ZNF516: variants seen among roughly 807,000 people sequenced by gnomAD.
ZNF516 encodes the protein zinc finger protein 516.
Under a neutral mutation model 79.7 loss-of-function variants are expected in ZNF516, and 19 were observed. The ratio of observed to expected loss-of-function variants is 0.24; its 90% CI spans 0.17 to 0.35. The LOEUF is 0.35. Ranked by LOEUF, ZNF516 falls within the 10% of genes least tolerant of loss-of-function variation. The pLI, the probability that ZNF516 is intolerant of heterozygous loss-of-function variation, is 1.00. For synonymous variants in ZNF516, 877 were observed against 739.5 expected (o/e 1.19, Z -3.02); for missense variants, 1,678 against 1,679.5 (o/e 1.00, Z 0.02).
chr18:76,461,778 G>A (rs1305347208), intron 2 of ZNF516, among the ~76,000 whole-genome samples: 1 of 152,216 alleles, frequency 6.6e-6, no homozygotes, highest in Non-Finnish European at 1.5e-5. Flanking sequence ...CCAGCTTGAG[G>A]CTTGTCGCCA....
At chr18:76,492,888 C>T (rs1915317336) in intron 1 of ZNF516, 1 of 985,602 alleles carries the variant, frequency 1.0e-6, no homozygotes. Context: ...TCCACGTCTA[C>T]ATCACACATC....
intron 1 of ZNF516, among the ~76,000 whole-genome samples, chr18:76,482,213 A>T (rs901443521): frequency 1.3e-5 from 2 of 152,210 alleles, no homozygotes; most frequent in Non-Finnish European, 2.9e-5. Flanking sequence ...GAAAGCTCAC[A>T]TCCTAAGTTT....
chr18:76,423,648 C>T (rs1455011610), intron 3 of ZNF516, among the ~76,000 whole-genome samples: 1 of 61,000 alleles, frequency 1.6e-5, no homozygotes, highest in Non-Finnish European at 3.6e-5. Flanking sequence ...CCGAAACACA[C>T]GCAGGTGAAA....
At chr18:76,452,769 T>C (rs1021699466) in intron 2 of ZNF516, among the ~76,000 whole-genome samples, 6 of 152,316 alleles carry the variant, frequency 3.9e-5, no homozygotes, top group South Asian at 2.1e-4. Flanking sequence ...GTCCTTTTAC[T>C]GAAATATGAC....
At chr18:76,396,223 G>GA (rs1275109702) in intron 3 of ZNF516, among the ~76,000 whole-genome samples, 1 of 152,050 alleles carries the variant, frequency 6.6e-6, no homozygotes, top group Non-Finnish European at 1.5e-5. Flanking sequence ...TATTTAAAAA[G>GA]AAAAATCTAT....
chr18:76,422,886 C>T (rs1023644646), intron 3 of ZNF516, among the ~76,000 whole-genome samples: 9 of 152,124 alleles, frequency 5.9e-5, no homozygotes, highest in African/African-American at 2.2e-4. Flanking sequence ...CCATACAAAT[C>T]CTTAAGAAAA....
At chr18:76,491,259 C>A (rs1457305887) in intron 1 of ZNF516, among the ~76,000 whole-genome samples, 2 of 137,814 alleles carry the variant, frequency 1.5e-5, no homozygotes, top group Admixed American at 1.4e-4. Context: ...AGTTCCGGAC[C>A]GGACCCGCCC....
At chr18:76,416,244 C>T (rs2075431718) in intron 3 of ZNF516, among the ~76,000 whole-genome samples, 1 of 152,212 alleles carries the variant, frequency 6.6e-6, no homozygotes, top group Non-Finnish European at 1.5e-5. Context: ...GAAGAGGCGG[C>T]CGGTTCCCCA....
intron 3 of ZNF516, among the ~76,000 whole-genome samples, chr18:76,436,181 T>C (rs547957089): frequency 6.6e-6 from 1 of 152,318 alleles, no homozygotes; most frequent in African/African-American, 2.4e-5. Flanking sequence ...CCTTTACCCA[T>C]TCTGCAAGCT....
At position 76,359,189 on chromosome 18, in the gene ZNF516, C is replaced by T. The variant is rs1030294637; in HGVS notation, c.*3309G>A. 1.3e-5 allele frequency: 2 copies of T among 152,238 alleles called. No homozygotes were observed. Among genetic ancestry groups the T allele is most frequent in the Admixed American group, 6.5e-5 (1 of 15,290 alleles). The allele number at this position is 152,238 out of a possible 1,614,324, so 9.4% of individuals were successfully genotyped here. ...CAATTGCTACTTCCTGAAGCACCTG[C>T]TTTTCAGGGAACCAGTGTCTTTCTT... is the stretch of plus-strand genomic sequence containing the variant. On this transcript the variant is annotated 3_prime_UTR_variant, in exon 7 of 7. Transcript: ENST00000443185.
chr18:76,469,664 A>G (rs1350348467), intron 1 of ZNF516, among the ~76,000 whole-genome samples: 1 of 152,202 alleles, frequency 6.6e-6, no homozygotes, highest in Non-Finnish European at 1.5e-5. Context: ...GATTAAATCA[A>G]AACTTCATTT....
intron 3 of ZNF516, among the ~76,000 whole-genome samples, chr18:76,404,132 T>C (rs2075268881): frequency 6.6e-6 from 1 of 152,172 alleles, no homozygotes. Flanking sequence ...CAGTGACAAA[T>C]GTTGCTGAAA....
At chr18:76,468,139 T>C (rs1443809534) in intron 1 of ZNF516, among the ~76,000 whole-genome samples, 1 of 152,186 alleles carries the variant, frequency 6.6e-6, no homozygotes, top group Non-Finnish European at 1.5e-5. Context: ...GGTTCAGAAA[T>C]AGAGAACTTC....
intron 2 of ZNF516, among the ~76,000 whole-genome samples, chr18:76,456,002 G>A (rs941480801): frequency 6.6e-6 from 1 of 152,132 alleles, no homozygotes; most frequent in African/African-American, 2.4e-5. Context: ...GACTGGGCTC[G>A]GCATCCTCAA....
chr18:76,443,242 G>T, intron 2 of ZNF516, 31 bp from the exon 3 acceptor site: 1 of 881,258 alleles, frequency 1.1e-6, no homozygotes, highest in Non-Finnish European at 1.6e-6. Context: ...CATCAGCAAA[G>T]CTCCTGGCTA....
At position 76,441,702 on chromosome 18, in the gene ZNF516, C is replaced by A; in HGVS notation, c.1353G>T (p.Lys451Asn). Reference protein sequence around the residue: ...EALAGDVAFDKDRREYVLVSQ... With the variant: ...EALAGDVAFDNDRREYVLVSQ... Reference sequence around the variant, plus strand: ...TCACCAGGACGTACTCGCGCCTGTCCTTGTCGAAGGCCACGTCCCCGGCCA... The same window carrying A: ...TCACCAGGACGTACTCGCGCCTGTCATTGTCGAAGGCCACGTCCCCGGCCA... The change falls in exon 3 of 7, where the codon AAG becomes AAT. Residue 451 changes from lysine to asparagine, a missense_variant. Lys to Asn is a moderately conservative substitution (Grantham distance 94). Transcript: ENST00000443185. 1 of 1,570,842 alleles carries A rather than the reference C, an allele frequency of 6.4e-7. No individual in the cohort carries two copies. The highest frequency in any genetic ancestry group is 2.4e-5 in the East Asian group (1 of 42,400).
chr18:76,383,968 G>A (rs1275613731), intron 3 of ZNF516, among the ~76,000 whole-genome samples: 3 of 152,196 alleles, frequency 2.0e-5, no homozygotes, highest in Admixed American at 6.5e-5. Context: ...ACACAGCCAA[G>A]GTTTCCTTAC....
At chr18:76,396,393 G>A (rs1383341641) in intron 3 of ZNF516, among the ~76,000 whole-genome samples, 8 of 152,134 alleles carry the variant, frequency 5.3e-5, no homozygotes, top group African/African-American at 7.2e-5. Context: ...CCAGGAGCCC[G>A]ACGCTGTCTC....
chr18:76,363,009 A>G (rs1205303844), intron 6 of ZNF516, among the ~76,000 whole-genome samples: 1 of 152,224 alleles, frequency 6.6e-6, no homozygotes, highest in Non-Finnish European at 1.5e-5. Flanking sequence ...TCATACAAAC[A>G]AAAAGAAGAG....
Sources: allele counts gnomAD v4.1 joint callset (sites outside exome capture counted in the v4.1 genomes callset), GRCh38; gene constraint gnomAD v4.1.1; transcripts MANE v1.5; gene names NCBI Gene and HGNC (gene_info 2026-07-23, HGNC 2026-07-21).